The following CEP112 variants were observed in gnomAD, a reference collection of about 807,000 sequenced individuals.
CEP112 encodes centrosomal protein 112.
A neutral mutation model predicts 153.0 loss-of-function variants in CEP112; 127 were observed. That is an observed-to-expected ratio of 0.83 (90% CI 0.72 to 0.96). CEP112 has a LOEUF of 0.96. Among genes scored for constraint, CEP112 ranks in the 40% least tolerant of loss-of-function variants. The pLI, the probability that CEP112 is intolerant of heterozygous loss-of-function variation, is 0.00. For missense variants in CEP112, 1,089 were observed against 1,101.2 expected (o/e 0.99, Z 0.16); for synonymous variants, 358 against 374.4 (o/e 0.96, Z 0.51).
intron 21 of CEP112, among the ~76,000 whole-genome samples, chr17:65,851,442 G>A (rs1412346639): frequency 6.6e-6 from 1 of 152,156 alleles, no homozygotes; most frequent in African/African-American, 2.4e-5. Flanking sequence ...ACTGAGGGAA[G>A]ATCTGAAACT....
At chr17:65,912,253 G>T (rs996926344) in intron 19 of CEP112, among the ~76,000 whole-genome samples, 2 of 152,060 alleles carry the variant, frequency 1.3e-5, no homozygotes, top group Non-Finnish European at 2.9e-5. Context: ...ACACCTGAAG[G>T]GCCTGTCTAG....
intron 8 of CEP112, among the ~76,000 whole-genome samples, chr17:66,090,790 A>G (rs1053448167): frequency 4.6e-5 from 7 of 152,108 alleles, no homozygotes; most frequent in African/African-American, 1.7e-4. Context: ...TATGCTTCCT[A>G]TAAGAAATTC....
chr17:66,008,381 G>A (rs891795556), intron 16 of CEP112, among the ~76,000 whole-genome samples: 8 of 151,596 alleles, frequency 5.3e-5, no homozygotes, highest in African/African-American at 1.9e-4. Flanking sequence ...TTTGAGACAG[G>A]GTCTCACTGC....
At chr17:66,031,750 C>T (rs2065496940) in intron 12 of CEP112, among the ~76,000 whole-genome samples, 4 of 152,092 alleles carry the variant, frequency 2.6e-5, no homozygotes, top group African/African-American at 9.7e-5. Context: ...GCGTGTGCCA[C>T]CATGGCCAGT....
At position 65,737,780 on chromosome 17, in the gene CEP112, T is replaced by C. The variant is rs184101879; in HGVS notation, c.2607+5288A>G. On this transcript the variant is annotated intron_variant, in intron 23 of 26. Coordinates refer to ENST00000535342, the MANE Select transcript of CEP112 (RefSeq NM_001199165.4). ...ACCATTTGCTATTGAATACTGAACA[T>C]GTAGACATATCTCAGTCGCTTACTG... 7.9e-5 allele frequency among the ~76,000 whole-genome samples: 12 copies of C among 152,350 alleles called. No homozygotes were observed. The East Asian group carries it at 2.1e-3, about 27-fold the overall frequency.
At chr17:65,777,153 G>A (rs2053726201) in intron 21 of CEP112, among the ~76,000 whole-genome samples, 1 of 152,126 alleles carries the variant, frequency 6.6e-6, no homozygotes, top group South Asian at 2.1e-4. Flanking sequence ...TCCTTTTGAG[G>A]CGCCATGTAG....
Position 66,055,632 on chromosome 17 carries a change from C to T in CEP112, c.1075-1753G>A, listed in dbSNP as rs145862274. ...CAAAGCCCCTAGAACATATGCCTGC[C>T]GAATGTCAAAAATCTAATAGCCCAT... On this transcript the variant is annotated intron_variant, in intron 11 of 26. Transcript: ENST00000535342. Among the ~76,000 whole-genome samples the T allele has an allele frequency of 1.4e-4, 21 of 152,202 alleles. 1 individual carries two copies. The East Asian group carries it at 3.7e-3, about 27-fold the overall frequency.
At chr17:66,111,248 G>A (rs926492930) in intron 6 of CEP112, among the ~76,000 whole-genome samples, 8 of 152,102 alleles carry the variant, frequency 5.3e-5, no homozygotes, top group African/African-American at 1.7e-4. Flanking sequence ...ACACTTATAC[G>A]CTGTTGATAG....
intron 5 of CEP112, 89 bp downstream of exon 5, chr17:66,132,581 A>C: frequency 1.1e-6 from 1 of 887,332 alleles, no homozygotes; most frequent in Non-Finnish European, 1.8e-6. Context: ...TGAAGCAATC[A>C]TTGGTACTTC....
chr17:65,851,887 T>G lies in CEP112; in HGVS notation c.2311A>C (p.Asn771His). 6.2e-7 allele frequency: 1 copy of G among 1,614,224 alleles called. No individual in the cohort carries two copies. Among genetic ancestry groups the G allele is most frequent in the Non-Finnish European group, 8.5e-7 (1 of 1,180,026 alleles). ...TTTTCTGATTCAGCCTTCAGTTTAT[T>G]GACGACAATCTCATGTTCCCTTGTA... The part of the protein sequence containing the change: ...RATREHEIVV[N>H]KLKAESEKMK... Residue 771 changes from asparagine to histidine, a missense_variant, in exon 21 of 27, where the codon AAT becomes CAT. Transcript: ENST00000535342.
chr17:65,889,287 T>C (rs1458658079), intron 20 of CEP112, among the ~76,000 whole-genome samples: 3 of 152,146 alleles, frequency 2.0e-5, no homozygotes, highest in Admixed American at 6.5e-5. Context: ...ACTTCAGAAT[T>C]AGGTGAGAAA....
intron 6 of CEP112, among the ~76,000 whole-genome samples, chr17:66,126,493 C>T (rs1160454924): frequency 6.6e-6 from 1 of 151,922 alleles, no homozygotes. Context: ...ACCCACAGCA[C>T]AAACATTCAG....
At chr17:66,044,322 T>C (rs1278741610) in intron 12 of CEP112, among the ~76,000 whole-genome samples, 1 of 151,976 alleles carries the variant, frequency 6.6e-6, no homozygotes, top group African/African-American at 2.4e-5. Flanking sequence ...ATATTCACTT[T>C]GTGAAGATTT....
rs1003843548 is a variant in CEP112, at chr17:66,116,115, G to T, written c.642+13631C>A. ...TGACCCAGCTACAAGACAAGGGAAG[G>T]GTAAGTAATGAAAAAGTATTTACCA... On this transcript the variant is annotated intron_variant, in intron 6 of 26. Coordinates refer to ENST00000535342, the MANE Select transcript of CEP112 (RefSeq NM_001199165.4). 3.3e-5 allele frequency among the ~76,000 whole-genome samples: 5 copies of T among 152,198 alleles called. 1 individual carries two copies. In the South Asian group the frequency reaches 1.0e-3, roughly 32 times the overall value.
At chr17:65,848,682 A>G (rs1476926578) in intron 21 of CEP112, among the ~76,000 whole-genome samples, 1 of 152,170 alleles carries the variant, frequency 6.6e-6, no homozygotes, top group African/African-American at 2.4e-5. Context: ...ATCCAGAAGC[A>G]TTCTTTCAAC....
chr17:65,767,684 G>T (rs2053072660), intron 21 of CEP112, among the ~76,000 whole-genome samples: 1 of 151,950 alleles, frequency 6.6e-6, no homozygotes, highest in Non-Finnish European at 1.5e-5. Context: ...AGATATGAAA[G>T]TGGAGACATT....
intron 21 of CEP112, among the ~76,000 whole-genome samples, chr17:65,762,289 T>C (rs1216993877): frequency 6.6e-6 from 1 of 152,096 alleles, no homozygotes; most frequent in Non-Finnish European, 1.5e-5. Flanking sequence ...ATATATTTTT[T>C]TTGATCCATT....
intron 18 of CEP112, among the ~76,000 whole-genome samples, chr17:65,937,339 T>C (rs2061348184): frequency 9.6e-6 from 1 of 103,858 alleles, no homozygotes; most frequent in Non-Finnish European, 1.8e-5. Context: ...GAGGAGCGCC[T>C]CTTCCCGGCC....
At chr17:66,104,521 T>C (rs917640273) in intron 6 of CEP112, among the ~76,000 whole-genome samples, 6 of 152,192 alleles carry the variant, frequency 3.9e-5, no homozygotes, top group South Asian at 2.1e-4. Context: ...AGTGTCATGC[T>C]AGCTTCAAGA....
Sources: gnomAD v4.1 joint callset for allele counts (sites outside exome capture counted in the v4.1 genomes callset) on GRCh38, gnomAD v4.1.1 for gene constraint, MANE v1.5 for transcripts, NCBI Gene and HGNC (gene_info 2026-07-23, HGNC 2026-07-21) for gene names.